The following HERC2 variants were observed in gnomAD, a reference collection of about 807,000 sequenced individuals.
HERC2 encodes E3 ubiquitin-protein ligase HERC2.
In HERC2, 102 loss-of-function variants were observed where a neutral mutation model predicts 537.7. The ratio of observed to expected loss-of-function variants is 0.19; its 90% CI spans 0.16 to 0.22. HERC2 has a LOEUF of 0.22. Ranked by LOEUF, HERC2 falls within the 10% of genes least tolerant of loss-of-function variation. HERC2 has a pLI of 1.00. For synonymous variants in HERC2, 2,224 were observed against 2,466.2 expected, an observed-to-expected ratio of 0.90 and a Z score of 2.91; for missense variants, 4,236 against 6,198.2, an observed-to-expected ratio of 0.68 and a Z score of 10.63.
At chr15:28,159,286 C>T (rs1893329481) in intron 69 of HERC2, among the ~76,000 whole-genome samples, 1 of 152,150 alleles carries the variant, frequency 6.6e-6, no homozygotes, top group Non-Finnish European at 1.5e-5. Flanking sequence ...GTTGGCCTGC[C>T]TTGCTAGATT....
At chr15:28,248,421 G>A in intron 21 of HERC2, 131 bp downstream of exon 21, 2 of 602,824 alleles carry the variant, frequency 3.3e-6, no homozygotes, top group Non-Finnish European at 5.7e-6. Context: ...GATGCAAAAT[G>A]AAGCCCCAAA....
In HERC2 at chr15:28,144,250, T is replaced by C; in HGVS notation, c.11141-15A>G. 1.2e-6 allele frequency: 2 copies of C among 1,611,654 alleles called. No individual in the cohort carries two copies. Among genetic ancestry groups the C allele is most frequent in the Non-Finnish European group, 1.7e-6 (2 of 1,178,622 alleles). ...TTCTTTAGGGCCTGTGAATGAACACTGTAAACATCCCCGGGTTTCACAAGC... is the reference window on the plus strand; with the variant it reads ...TTCTTTAGGGCCTGTGAATGAACACCGTAAACATCCCCGGGTTTCACAAGC... On this transcript the variant is annotated splice_polypyrimidine_tract_variant and intron_variant, in intron 72 of 92. Transcript: ENST00000261609.
At chr15:28,311,076 C>CAAAAAA (rs71132854) in intron 2 of HERC2, among the ~76,000 whole-genome samples, 5 of 29,298 alleles carry the variant, frequency 1.7e-4, no homozygotes, top group East Asian at 7.8e-4. Flanking sequence ...GACTGCATCT[C>CAAAAAA]AAAAAAAAAA....
intron 86 of HERC2, chr15:28,118,419 T>C (rs1888517719): frequency 6.6e-6 from 1 of 152,258 alleles, no homozygotes; most frequent in African/African-American, 2.4e-5. Context: ...CTCTGCTCAA[T>C]AGAAACACAG....
intron 76 of HERC2, 120 bp from the exon 77 acceptor site, chr15:28,141,966 T>A: frequency 1.2e-6 from 1 of 835,994 alleles, no homozygotes; most frequent in Non-Finnish European, 1.9e-6. Flanking sequence ...AACATTGCAA[T>A]GTTATGGTTC....
chr15:28,248,596 TTACTAATAA>T lies in HERC2; in HGVS notation c.3182_3190del (p.Leu1061_Lys1064delinsGln). 1 of 1,614,060 alleles carries T rather than the reference TTACTAATAA, an allele frequency of 6.2e-7. No individual in the cohort carries two copies. Among genetic ancestry groups the T allele is most frequent in the Non-Finnish European group, 8.5e-7 (1 of 1,179,946 alleles). On this transcript the variant is annotated inframe_deletion, in exon 21 of 93. Transcript: ENST00000261609. ...ACCAATACTTTCTCCTGGATAAAGT[TTACTAATAA>T]GCAAACGTTGAAAACGCAGTAACAA...
intron 23 of HERC2, among the ~76,000 whole-genome samples, chr15:28,239,872 T>C (rs1033742864): frequency 2.6e-5 from 4 of 152,158 alleles, no homozygotes; most frequent in African/African-American, 7.2e-5. Context: ...AGCCATGTTG[T>C]TGGGAGAAAG....
chr15:28,269,547 T>C (rs935992250), intron 10 of HERC2, 111 bp from the exon 11 acceptor site: 43 of 849,680 alleles, frequency 5.1e-5, no homozygotes, highest in Non-Finnish European at 7.5e-5. Context: ...AGAGAAAATA[T>C]GCTGATTCAA....
intron 74 of HERC2, among the ~76,000 whole-genome samples, chr15:28,143,394 T>C (rs1891420871): frequency 6.6e-6 from 1 of 152,194 alleles, no homozygotes; most frequent in African/African-American, 2.4e-5. Context: ...GAACTCAGTA[T>C]ACACTGCAAC....
At chr15:28,165,888 A>G (rs1323701213) in intron 68 of HERC2, among the ~76,000 whole-genome samples, 1 of 152,236 alleles carries the variant, frequency 6.6e-6, no homozygotes, top group East Asian at 1.9e-4. Context: ...CCAAACAGCA[A>G]CAAGCACACA....
At chr15:28,252,778 G>C (rs936620354) in intron 20 of HERC2, among the ~76,000 whole-genome samples, 1 of 152,164 alleles carries the variant, frequency 6.6e-6, no homozygotes, top group Non-Finnish European at 1.5e-5. Flanking sequence ...TCAGAAAAAG[G>C]TTTTGCAAAA....
intron 65 of HERC2, among the ~76,000 whole-genome samples, chr15:28,172,784 T>C (rs1287345537): frequency 6.6e-6 from 1 of 152,170 alleles, no homozygotes; most frequent in Non-Finnish European, 1.5e-5. Context: ...AATTAAAAAC[T>C]TCTAATCTTT....
At chr15:28,313,708 T>C (rs1217703264) in intron 2 of HERC2, among the ~76,000 whole-genome samples, 3 of 152,032 alleles carry the variant, frequency 2.0e-5, no homozygotes, top group East Asian at 3.8e-4. Context: ...GGACAACATA[T>C]AAAAAATGTT....
intron 14 of HERC2, among the ~76,000 whole-genome samples, chr15:28,263,605 A>T (rs541133418): frequency 6.6e-6 from 1 of 152,086 alleles, no homozygotes; most frequent in Non-Finnish European, 1.5e-5. Context: ...CCAACTGCAT[A>T]TCAGCATAAT....
chr15:28,143,166 G>A (rs1310420321), intron 74 of HERC2, among the ~76,000 whole-genome samples: 6 of 152,094 alleles, frequency 3.9e-5, no homozygotes, highest in African/African-American at 9.7e-5. Flanking sequence ...ATCTCAGAAT[G>A]TTTGGTCTTG....
intron 43 of HERC2, among the ~76,000 whole-genome samples, chr15:28,211,467 T>A (rs141460915): frequency 2.6e-4 from 40 of 152,214 alleles, no homozygotes; most frequent in African/African-American, 9.4e-4. Context: ...TTGCTGAAGT[T>A]TCAGCCGCTT....
At chr15:28,169,788 G>T in intron 65 of HERC2, 133 bp from the exon 66 acceptor site, 1 of 767,150 alleles carries the variant, frequency 1.3e-6, no homozygotes, top group Non-Finnish European at 2.1e-6. Flanking sequence ...GCACCTATCA[G>T]GCTCATTAAT....
intron 70 of HERC2, among the ~76,000 whole-genome samples, chr15:28,151,597 G>C (rs976043664): frequency 1.3e-5 from 2 of 152,144 alleles, no homozygotes; most frequent in African/African-American, 4.8e-5. Context: ...AAAAACCGAG[G>C]ACACCTTGTG....
chr15:28,253,621 G>T (rs1448109610), intron 20 of HERC2, among the ~76,000 whole-genome samples: 1 of 152,116 alleles, frequency 6.6e-6, no homozygotes. Flanking sequence ...TGAGATCCTT[G>T]TGCTAGATTT....
Sources: gnomAD v4.1 joint callset for allele counts (sites outside exome capture counted in the v4.1 genomes callset) on GRCh38, gnomAD v4.1.1 for gene constraint, MANE v1.5 for transcripts, NCBI Gene and HGNC (gene_info 2026-07-23, HGNC 2026-07-21) for gene names.